Variants in NAV1 observed in about 807,000 individuals in gnomAD.
The protein encoded by NAV1 is pore membrane and/or filament interacting like protein 3.
A neutral mutation model predicts 175.2 loss-of-function variants in NAV1; 18 were observed. That is an observed-to-expected ratio of 0.10 (90% CI 0.07 to 0.15). The LOEUF (loss-of-function observed/expected upper bound fraction) is 0.15. Among genes scored for constraint, NAV1 ranks in the 10% least tolerant of loss-of-function variants. NAV1 has a pLI of 1.00. For synonymous variants in NAV1, 897 were observed against 978.7 expected, an observed-to-expected ratio of 0.92 and a Z score of 1.56; for missense variants, 1,731 against 2,436.6, an observed-to-expected ratio of 0.71 and a Z score of 6.10.
chr1:201,645,257 T>C (rs1326470065), upstream of NAV1, among the ~76,000 whole-genome samples: 1 of 151,234 alleles, frequency 6.6e-6, no homozygotes. Context: ...TGTAGGGACA[T>C]GGATGAAACT....
intron 1 of NAV1, among the ~76,000 whole-genome samples, chr1:201,692,503 T>G (rs1178376623): frequency 1.3e-5 from 2 of 152,226 alleles, no homozygotes; most frequent in Non-Finnish European, 2.9e-5. Flanking sequence ...AACAGGAGTT[T>G]GTAATGGTCT....
chr1:201,783,418 G>A, exon 7 of NAV1: 2 of 1,613,750 alleles, frequency 1.2e-6, no homozygotes, highest in Non-Finnish European at 1.7e-6. Flanking sequence ...CCACAGCGAA[G>A]AGCTTTGTCA....
At chr1:201,612,251 C>T (rs1486119597) in intron 2 of NAV1, among the ~76,000 whole-genome samples, 2 of 151,938 alleles carry the variant, frequency 1.3e-5, no homozygotes, top group Non-Finnish European at 2.9e-5. Context: ...CAGATGGAGA[C>T]CAGCCTGGTC....
intron 1 of NAV1, among the ~76,000 whole-genome samples, chr1:201,703,777 G>A (rs1671545966): frequency 6.6e-6 from 1 of 152,190 alleles, no homozygotes. Flanking sequence ...GGGCTGCCCT[G>A]TGGTCACTGC....
intron 3 of NAV1, among the ~76,000 whole-genome samples, chr1:201,733,166 G>T (rs1013126519): frequency 1.3e-5 from 2 of 151,848 alleles, no homozygotes. Context: ...GGATCATGAG[G>T]TCAAGAGATC....
chr1:201,782,568 G>T lies in NAV1; in HGVS notation c.2056G>T (p.Gly686Cys). 6.2e-7 allele frequency: 1 copy of T among 1,611,770 alleles called. No individual in the cohort carries two copies. The highest frequency in any genetic ancestry group is 8.5e-7 in the Non-Finnish European group (1 of 1,178,158). The change falls in exon 6 of 30, where the codon GGC (glycine) becomes TGC (cysteine). Residue 686 changes from glycine to cysteine, a missense_variant. This residue lies in a region of NAV1 where 634 missense variants were observed against 766.8 expected (regional missense o/e 0.83). Coordinates refer to ENST00000367296, the Ensembl canonical transcript of NAV1. This position sits in a 1 kb window ranked among gnomAD's most constrained non-coding sequence, Gnocchi z 5.4. ...CAAGTCAAGTTCTATGAGCGTGACC[G>T]GCGGGCGGGGTGGACCTCGCCCTGT...
intron 3 of NAV1, among the ~76,000 whole-genome samples, chr1:201,759,129 CA>C (rs74808040): frequency 4.6e-5 from 7 of 152,120 alleles, no homozygotes; most frequent in East Asian, 3.9e-4. Flanking sequence ...TCCCCCCTCC[CA>C]AAAAAAGATT....
At chr1:201,604,131 C>T (rs1278548360) in intron 2 of NAV1, among the ~76,000 whole-genome samples, 1 of 152,226 alleles carries the variant, frequency 6.6e-6, no homozygotes, top group African/African-American at 2.4e-5. Context: ...TCACTGCTCA[C>T]TGCAGCCCTG....
At chr1:201,628,935 G>A (rs752983286) in intron 1 of NAV1, among the ~76,000 whole-genome samples, 4 of 152,126 alleles carry the variant, frequency 2.6e-5, no homozygotes, top group Admixed American at 6.5e-5. Flanking sequence ...CTACGAGCAA[G>A]CCCAAAGCCT....
At chr1:201,643,072 C>T (rs763480675) in intron 2 of NAV1, among the ~76,000 whole-genome samples, 1 of 151,162 alleles carries the variant, frequency 6.6e-6, no homozygotes, top group African/African-American at 2.5e-5. Flanking sequence ...CCGTGCCTGG[C>T]CTCTTTCTCT....
At chr1:201,707,269 C>T (rs1275418569) in intron 1 of NAV1, among the ~76,000 whole-genome samples, 1 of 152,168 alleles carries the variant, frequency 6.6e-6, no homozygotes, top group African/African-American at 2.4e-5. Flanking sequence ...AAGGGGCCAG[C>T]CTCAGTGCCA....
intron 1 of NAV1, among the ~76,000 whole-genome samples, chr1:201,708,165 A>G (rs1671748117): frequency 6.6e-6 from 1 of 152,140 alleles, no homozygotes; most frequent in Admixed American, 6.5e-5. Flanking sequence ...AAGAAACACC[A>G]TCCTACTCTG....
intron 2 of NAV1, among the ~76,000 whole-genome samples, chr1:201,638,666 C>T (rs1053178906): frequency 2.0e-5 from 3 of 152,226 alleles, no homozygotes; most frequent in African/African-American, 4.8e-5. Flanking sequence ...AGATGTGGAA[C>T]ACACACAGAC....
intron 3 of NAV1, among the ~76,000 whole-genome samples, chr1:201,731,669 C>T (rs1303024628): frequency 1.3e-5 from 2 of 152,182 alleles, no homozygotes; most frequent in Non-Finnish European, 2.9e-5. Context: ...TCTTCCTCTA[C>T]TTTGAAGTCT....
At chr1:201,809,638 C>A in intron 22 of NAV1, 101 bp downstream of exon 26, 1 of 1,115,986 alleles carries the variant, frequency 9.0e-7, no homozygotes, top group Non-Finnish European at 1.3e-6. Context: ...GGCTGGAGGG[C>A]AGTGGCGTGA....
intron 3 of NAV1, among the ~76,000 whole-genome samples, chr1:201,726,523 C>T (rs951683498): frequency 6.6e-6 from 1 of 151,954 alleles, no homozygotes; most frequent in East Asian, 1.9e-4. Flanking sequence ...TGGTGCACAC[C>T]TGTAATCCCA....
At chr1:201,586,735 A>G (rs545273669) in intron 1 of NAV1, among the ~76,000 whole-genome samples, 7 of 152,202 alleles carry the variant, frequency 4.6e-5, no homozygotes, top group Admixed American at 3.3e-4. Context: ...TTTTCACCCT[A>G]TTGAATTAGG....
chr1:201,815,791 T>G (rs568601502), intron 28 of NAV1, among the ~76,000 whole-genome samples: 4 of 152,238 alleles, frequency 2.6e-5, no homozygotes, highest in Admixed American at 2.6e-4. Flanking sequence ...CAGGCTGGAG[T>G]GCAATGGCGG....
At position 201,757,442 on chromosome 1, in the gene NAV1, A is replaced by G. The variant is rs547960668; in HGVS notation, c.1227-22979A>G. On this transcript the variant is annotated intron_variant, in intron 3 of 29. Transcript: ENST00000367296. ...TGCCACCACGCCCGGCTAATTTTTT[A>G]GTAGCGATGAGGTCTCACTAAGGCT... Among the ~76,000 whole-genome samples, 14 of 152,178 alleles carry G rather than the reference A, an allele frequency of 9.2e-5. No homozygotes were observed. In the South Asian group the frequency reaches 2.9e-3, roughly 32 times the overall value.
Sources: gnomAD v4.1 joint callset for allele counts (sites outside exome capture counted in the v4.1 genomes callset) on GRCh38, gnomAD v4.1.1 for gene constraint, gnomAD v4.1.1 regional missense constraint, Gnocchi (gnomAD v3.1) non-coding constraint, MANE v1.5 for transcripts, NCBI Gene and HGNC (gene_info 2026-07-23, HGNC 2026-07-21) for gene names.